RBFOX1: variants seen among roughly 807,000 people sequenced by gnomAD.
RBFOX1 encodes the protein RNA binding protein fox-1 homolog 1.
A neutral mutation model predicts 57.7 loss-of-function variants in RBFOX1; 8 were observed. The observed-to-expected ratio is 0.14, with a 90% confidence interval of 0.08 to 0.25. The LOEUF (loss-of-function observed/expected upper bound fraction) is 0.25. Ranked by LOEUF, RBFOX1 falls within the 10% of genes least tolerant of loss-of-function variation. The pLI is 1.00. For missense variants in RBFOX1, 611 were observed against 548.5 expected (o/e 1.11, Z -1.14); for synonymous variants, 326 against 222.4 (o/e 1.47, Z -4.15).
At position 7,273,672 on chromosome 16, in the gene RBFOX1, A is replaced by G. The variant is rs142683171; in HGVS notation, c.27+221574A>G. Among the ~76,000 whole-genome samples, 698 of 152,330 alleles carry G rather than the reference A, an allele frequency of 4.6e-3. 4 individuals carry two copies. Among genetic ancestry groups the G allele is most frequent in the Middle Eastern group, 0.034 (10 of 294 alleles). Reference sequence around the variant, plus strand: ...ACTGCCTTTCGAATTGGGAAGCTCTATTCTGATGAAAGATGGACCTTATTT... The same window carrying G: ...ACTGCCTTTCGAATTGGGAAGCTCTGTTCTGATGAAAGATGGACCTTATTT... On this transcript the variant is annotated intron_variant, in intron 4 of 15. Coordinates refer to ENST00000550418, the MANE Select transcript of RBFOX1 (RefSeq NM_018723.4).
intron 14 of RBFOX1, among the ~76,000 whole-genome samples, chr16:7,708,410 T>G (rs1336347692): frequency 6.6e-6 from 1 of 152,182 alleles, no homozygotes; most frequent in Non-Finnish European, 1.5e-5. Flanking sequence ...ATTTGTTGTT[T>G]CAAATGCCTC....
intron 4 of RBFOX1, among the ~76,000 whole-genome samples, chr16:7,153,217 A>C (rs543139556): frequency 6.6e-6 from 1 of 152,154 alleles, no homozygotes; most frequent in South Asian, 2.1e-4. Flanking sequence ...ATTCTGCAAT[A>C]ACTCAACTTT....
intron 2 of RBFOX1, among the ~76,000 whole-genome samples, chr16:6,475,127 C>A (rs1047673870): frequency 6.6e-6 from 1 of 152,128 alleles, no homozygotes; most frequent in East Asian, 1.9e-4. Context: ...CAAAATAGTA[C>A]TTGGAGCTCT....
chr16:5,776,273 C>G (rs1464161209), intron 3 of RBFOX1, among the ~76,000 whole-genome samples: 3 of 152,218 alleles, frequency 2.0e-5, no homozygotes, highest in East Asian at 3.8e-4. Context: ...CTGCAGTACC[C>G]CATTCTGGGG....
intron 2 of RBFOX1, among the ~76,000 whole-genome samples, chr16:5,473,757 G>C (rs989376904): frequency 2.0e-5 from 3 of 150,508 alleles, no homozygotes; most frequent in East Asian, 3.9e-4. Context: ...GTAGAAGGAT[G>C]GATGGAAAGG....
intron 4 of RBFOX1, among the ~76,000 whole-genome samples, chr16:7,235,445 G>C (rs978255405): frequency 6.6e-6 from 1 of 152,210 alleles, no homozygotes; most frequent in Non-Finnish European, 1.5e-5. Context: ...AACCAGTTTA[G>C]ATGAGGGACC....
intron 3 of RBFOX1, among the ~76,000 whole-genome samples, chr16:5,678,767 TG>T (rs2050243635): frequency 6.6e-6 from 1 of 152,194 alleles, no homozygotes; most frequent in Non-Finnish European, 1.5e-5. Flanking sequence ...GTGGTGGCAT[TG>T]TGTGTAGAGT....
intron 4 of RBFOX1, among the ~76,000 whole-genome samples, chr16:7,474,744 G>A (rs145207250): frequency 2.6e-5 from 4 of 152,192 alleles, no homozygotes; most frequent in East Asian, 3.9e-4. Context: ...GGGCATAATC[G>A]TAGAACTGGA....
At chr16:5,727,144 G>C (rs1170002267) in intron 3 of RBFOX1, among the ~76,000 whole-genome samples, 1 of 152,146 alleles carries the variant, frequency 6.6e-6, no homozygotes, top group Non-Finnish European at 1.5e-5. Flanking sequence ...TCATGTGCCT[G>C]TAATCCCAGT....
At chr16:6,560,676 G>A (rs2097168792) in intron 2 of RBFOX1, among the ~76,000 whole-genome samples, 1 of 152,158 alleles carries the variant, frequency 6.6e-6, no homozygotes, top group South Asian at 2.1e-4. Context: ...CATTTCAAAT[G>A]AATAATTTGA....
intron 1 of RBFOX1, among the ~76,000 whole-genome samples, chr16:5,422,260 A>T (rs1352554578): frequency 1.5e-5 from 2 of 136,636 alleles, no homozygotes; most frequent in Admixed American, 1.5e-4. Flanking sequence ...GAGAGGGAGG[A>T]GGAGCAGGGA....
At chr16:6,634,041 C>T (rs533933523) in intron 2 of RBFOX1, among the ~76,000 whole-genome samples, 53 of 151,900 alleles carry the variant, frequency 3.5e-4, no homozygotes, top group African/African-American at 1.1e-3. Context: ...TTGTGTAAAC[C>T]GATGCATTTC....
chr16:7,457,581 C>G (rs2058769127), intron 4 of RBFOX1, among the ~76,000 whole-genome samples: 1 of 152,120 alleles, frequency 6.6e-6, no homozygotes. Flanking sequence ...TGCTCTGTTC[C>G]TTCTTCTTCA....
intron 11 of RBFOX1, among the ~76,000 whole-genome samples, chr16:7,636,965 T>A (rs1270883311): frequency 6.6e-6 from 1 of 152,166 alleles, no homozygotes; most frequent in East Asian, 1.9e-4. Flanking sequence ...AGGCCCCATT[T>A]CCACAAAGCA....
At chr16:7,698,185 T>TGTGG (rs1555793402) in intron 14 of RBFOX1, among the ~76,000 whole-genome samples, 1 of 32,450 alleles carries the variant, frequency 3.1e-5, no homozygotes, top group Non-Finnish European at 7.0e-5. Context: ...TCCAAGAGGG[T>TGTGG]GTGTGTGTGT....
rs2084066659 is a variant in RBFOX1, at chr16:7,712,011, C to G, written c.*1266C>G. 6.6e-6 allele frequency: 1 copy of G among 152,420 alleles called. No individual in the cohort carries two copies. Among genetic ancestry groups the G allele is most frequent in the African/African-American group, 2.4e-5 (1 of 41,314 alleles). 9.4% of individuals were successfully genotyped at this position (152,420 alleles called of 1,614,324 possible). ...AGTTCTGTCTCCAAGGCCCAGGACA[C>G]TTGTCAGAAGGATGCAAAAAAAGAA... is the stretch of plus-strand genomic sequence containing the variant. On this transcript the variant is annotated 3_prime_UTR_variant, in exon 16 of 16. Transcript: ENST00000550418.
chr16:5,313,656 G>A (rs1445649412), intron 1 of RBFOX1, among the ~76,000 whole-genome samples: 9 of 152,056 alleles, frequency 5.9e-5, no homozygotes, highest in African/African-American at 2.2e-4. Context: ...CATGGATGGC[G>A]GCAGACAAAG....
Position 6,333,792 on chromosome 16 carries a change from G to T in RBFOX1, c.-64+16735G>T, listed in dbSNP as rs138909434. On this transcript the variant is annotated intron_variant, in intron 2 of 15. Transcript: ENST00000550418. Reference sequence around the variant, plus strand: ...AAAGCAGTAACATCTTTTCTACAAAGATACTTGTCATCTGTCAGATTTATT... The same window carrying T: ...AAAGCAGTAACATCTTTTCTACAAATATACTTGTCATCTGTCAGATTTATT... 5.3e-4 allele frequency among the ~76,000 whole-genome samples: 81 copies of T among 152,194 alleles called. 1 individual carries two copies. The East Asian group carries it at 0.015, about 29-fold the overall frequency.
At chr16:7,601,087 C>T (rs909045560) in intron 9 of RBFOX1, among the ~76,000 whole-genome samples, 2 of 152,160 alleles carry the variant, frequency 1.3e-5, no homozygotes, top group African/African-American at 2.4e-5. Context: ...GCTGGGGAAG[C>T]ATGGGTGCTA....
Sources: allele counts gnomAD v4.1 joint callset (sites outside exome capture counted in the v4.1 genomes callset), GRCh38; gene constraint gnomAD v4.1.1; transcripts MANE v1.5; gene names NCBI Gene and HGNC (gene_info 2026-07-23, HGNC 2026-07-21).